GPC6: variants seen among roughly 807,000 people sequenced by gnomAD.
The protein encoded by GPC6 is glypican-6.
GPC6 carries 14 observed loss-of-function variants against 55.2 expected under a neutral mutation model. The observed-to-expected ratio is 0.25, with a 90% CI of 0.17 to 0.40. GPC6 has a LOEUF of 0.40. Among genes scored for constraint, GPC6 ranks in the 10% least tolerant of loss-of-function variants. GPC6 has a pLI of 1.00. For synonymous variants in GPC6, 278 were observed against 259.6 expected, an observed-to-expected ratio of 1.07 and a Z score of -0.68; for missense variants, 641 against 708.5, an observed-to-expected ratio of 0.90 and a Z score of 1.08.
At chr13:93,444,499 CG>C (rs1480633512) in intron 1 of GPC6, among the ~76,000 whole-genome samples, 1 of 151,978 alleles carries the variant, frequency 6.6e-6, no homozygotes, top group Non-Finnish European at 1.5e-5. Context: ...CCCAGCTACG[CG>C]GGAGACTGCG....
chr13:94,266,472 C>G (rs1275172401), intron 4 of GPC6, among the ~76,000 whole-genome samples: 1 of 152,044 alleles, frequency 6.6e-6, no homozygotes, highest in Non-Finnish European at 1.5e-5. Context: ...CCAGCCATCT[C>G]CCTGTTTTTT....
At chr13:93,329,502 T>C (rs7994277) in intron 1 of GPC6, among the ~76,000 whole-genome samples, 18,211 of 152,232 alleles carry the variant, frequency 0.12, 1,441 homozygotes, top group East Asian at 0.37. Flanking sequence ...TTGTGTTGCT[T>C]ATTTAAAAAG....
At position 93,965,116 on chromosome 13, in the gene GPC6, T is replaced by G. The variant is rs537257767; in HGVS notation, c.712-62613T>G. On this transcript the variant is annotated intron_variant, in intron 3 of 8. Transcript: ENST00000377047. ...AAACACTATGAGTTTGTTTTTTTTT[T>G]TTTTTTTTTTTTTTTTAGCAAGGGA... 1.6e-4 allele frequency among the ~76,000 whole-genome samples: 22 copies of G among 140,784 alleles called. 1 individual carries two copies. The highest frequency in any genetic ancestry group is 1.1e-3 in the South Asian group (5 of 4,470). 92.4% of individuals were successfully genotyped at this position (140,784 alleles called of 152,430 possible).
In GPC6 at chr13:93,541,032, T is replaced by TA. The variant is rs561348504; in HGVS notation, c.161-4231_161-4230insA. ...AATGATGGGATATCATCCTTTTTTTTTTATTATTATACTTTAAGTTTTAGG... is the reference window on the plus strand; with the variant it reads ...AATGATGGGATATCATCCTTTTTTTTATTATTATTATACTTTAAGTTTTAGG... On this transcript the variant is annotated intron_variant, in intron 1 of 8. Coordinates refer to ENST00000377047, the MANE Select transcript of GPC6 (RefSeq NM_005708.5). Among the ~76,000 whole-genome samples the TA allele has an allele frequency of 6.2e-4, 95 of 152,202 alleles. 1 individual carries two copies. In the South Asian group the frequency reaches 0.018, roughly 29 times the overall value.
intron 2 of GPC6, among the ~76,000 whole-genome samples, chr13:93,800,087 T>C (rs2183426): frequency 0.33 from 50,104 of 151,962 alleles, 8,674 homozygotes; most frequent in African/African-American, 0.43. Flanking sequence ...TCACGTAATA[T>C]TGGCTTTATC....
At chr13:93,307,912 A>G (rs1037401820) in intron 1 of GPC6, among the ~76,000 whole-genome samples, 8 of 152,188 alleles carry the variant, frequency 5.3e-5, no homozygotes, top group Admixed American at 2.6e-4. Flanking sequence ...TTACAAACAT[A>G]TTGTACACTG....
At chr13:93,524,647 T>G (rs932318560) in intron 1 of GPC6, among the ~76,000 whole-genome samples, 1 of 152,096 alleles carries the variant, frequency 6.6e-6, no homozygotes, top group African/African-American at 2.4e-5. Context: ...GACACTATTG[T>G]CAACATTGAG....
intron 6 of GPC6, among the ~76,000 whole-genome samples, chr13:94,352,986 T>A (rs879576302): frequency 1.2e-4 from 18 of 152,210 alleles, no homozygotes; most frequent in Admixed American, 6.5e-5. Flanking sequence ...AGTGCTTTTC[T>A]CTTGGTCTAA....
intron 6 of GPC6, among the ~76,000 whole-genome samples, chr13:94,323,448 A>G (rs886206400): frequency 3.3e-5 from 5 of 152,220 alleles, no homozygotes; most frequent in Non-Finnish European, 7.3e-5. Context: ...TAACAATCAT[A>G]GATTAAGCTT....
chr13:94,098,406 A>AAGC (rs1885739266), intron 4 of GPC6, among the ~76,000 whole-genome samples: 1 of 152,244 alleles, frequency 6.6e-6, no homozygotes, highest in Non-Finnish European at 1.5e-5. Context: ...GAAGCAATGT[A>AAGC]AATTGCTAGG....
At chr13:93,266,509 C>T (rs1877330185) in intron 1 of GPC6, among the ~76,000 whole-genome samples, 1 of 152,042 alleles carries the variant, frequency 6.6e-6, no homozygotes, top group Admixed American at 6.6e-5. Flanking sequence ...TTCATTAATA[C>T]AAAGGAGGAA....
At chr13:93,355,625 A>G (rs780474678) in intron 1 of GPC6, among the ~76,000 whole-genome samples, 2 of 152,174 alleles carry the variant, frequency 1.3e-5, no homozygotes, top group African/African-American at 2.4e-5. Flanking sequence ...TCTTAACTCC[A>G]GAGGCTCTGA....
At chr13:94,181,144 A>C (rs191676546) in intron 4 of GPC6, among the ~76,000 whole-genome samples, 1 of 152,298 alleles carries the variant, frequency 6.6e-6, no homozygotes, top group Admixed American at 6.5e-5. Flanking sequence ...TATACCAGGT[A>C]GCCATGATGC....
intron 1 of GPC6, among the ~76,000 whole-genome samples, chr13:93,487,729 C>G (rs1425160274): frequency 6.6e-6 from 1 of 152,042 alleles, no homozygotes; most frequent in Non-Finnish European, 1.5e-5. Context: ...ATTTTTCTTT[C>G]TTCATTTTGT....
intron 3 of GPC6, among the ~76,000 whole-genome samples, chr13:93,953,894 C>T (rs1879376910): frequency 6.6e-6 from 1 of 152,138 alleles, no homozygotes; most frequent in South Asian, 2.1e-4. Flanking sequence ...ATATGGTTAT[C>T]TTTAATTGCA....
chr13:93,614,370 AT>A (rs1432103230), intron 2 of GPC6, among the ~76,000 whole-genome samples: 2 of 152,180 alleles, frequency 1.3e-5, no homozygotes, highest in African/African-American at 4.8e-5. Flanking sequence ...ATGTCGTTGA[AT>A]GGTTAAGAAC....
intron 6 of GPC6, among the ~76,000 whole-genome samples, chr13:94,367,615 TTCAGGG>T (rs1212888456): frequency 6.6e-6 from 1 of 152,114 alleles, no homozygotes; most frequent in Non-Finnish European, 1.5e-5. Flanking sequence ...CATCTATCTT[TTCAGGG>T]GCATGCATGC....
chr13:93,479,771 G>A (rs556299247), intron 1 of GPC6, among the ~76,000 whole-genome samples: 42 of 152,230 alleles, frequency 2.8e-4, no homozygotes, highest in South Asian at 1.9e-3. Context: ...TGTGATTTGG[G>A]GATCATTATA....
intron 2 of GPC6, among the ~76,000 whole-genome samples, chr13:93,785,465 A>G (rs1885790433): frequency 6.6e-6 from 1 of 152,126 alleles, no homozygotes; most frequent in Non-Finnish European, 1.5e-5. Flanking sequence ...TATGGTTGAT[A>G]TTTTAAGTAA....
Sources: gnomAD v4.1 joint callset for allele counts (sites outside exome capture counted in the v4.1 genomes callset) on GRCh38, gnomAD v4.1.1 for gene constraint, MANE v1.5 for transcripts, NCBI Gene and HGNC (gene_info 2026-07-23, HGNC 2026-07-21) for gene names.